MCOLN3: variants seen among roughly 807,000 people sequenced by gnomAD.
MCOLN3 encodes mucolipin-3.
In MCOLN3, 62 loss-of-function variants were observed where a neutral mutation model predicts 69.4. That is an observed-to-expected ratio of 0.89 (90% CI 0.73 to 1.10). The LOEUF (loss-of-function observed/expected upper bound fraction) is 1.10, where lower values mean the gene tolerates loss of function less well. MCOLN3 is among the 50% of genes least tolerant of loss of function. MCOLN3 has a pLI of 0.00. For missense variants in MCOLN3, 564 were observed against 656.4 expected, an observed-to-expected ratio of 0.86 and a Z score of 1.54; for synonymous variants, 183 against 217.0, an observed-to-expected ratio of 0.84 and a Z score of 1.38.
rs776546599 is a variant in MCOLN3, at chr1:85,021,195, G to C, written c.1402C>G (p.Gln468Glu). The change falls in exon 12 of 13, where the codon CAG (glutamine) becomes GAG (glutamate). Residue 468 changes from glutamine (Q) to glutamate (E), a missense_variant. Gln to Glu is a conservative substitution (Grantham distance 29). Coordinates refer to ENST00000370589, the MANE Select transcript of MCOLN3 (RefSeq NM_018298.11). ...DDMFATFAKM[Q>E]QKSYLVWLFS... Reference sequence around the variant, plus strand: ...AGCCAGACTAAGTAACTTTTTTGCTGCATTTTTGCAAACGTGGCAAACATA... The same window carrying C: ...AGCCAGACTAAGTAACTTTTTTGCTCCATTTTTGCAAACGTGGCAAACATA... 1 of 1,613,754 alleles carries C rather than the reference G, an allele frequency of 6.2e-7. No homozygotes were observed. The highest frequency in any genetic ancestry group is 8.5e-7 in the Non-Finnish European group (1 of 1,179,806).
chr1:85,041,181 A>C lies in MCOLN3; in HGVS notation c.229-4T>G, dbSNP rs767607316. 1.1e-5 allele frequency: 17 copies of C among 1,609,382 alleles called. No individual in the cohort carries two copies. The highest frequency in any genetic ancestry group is 1.3e-5 in the Non-Finnish European group (15 of 1,178,404). Reference sequence around the variant, plus strand: ...TACTTAGCCCAAATAAGACCAGCTTAAAAGAAAAAAAAGAAAAGGTAAGAG... The same window carrying C: ...TACTTAGCCCAAATAAGACCAGCTTCAAAGAAAAAAAAGAAAAGGTAAGAG... On this transcript the variant is annotated splice_polypyrimidine_tract_variant and splice_region_variant and intron_variant, in intron 2 of 12. Transcript: ENST00000370589.
chr1:85,036,451 A>C (rs1259995791), intron 3 of MCOLN3, among the ~76,000 whole-genome samples: 2 of 152,182 alleles, frequency 1.3e-5, no homozygotes, highest in African/African-American at 4.8e-5. Context: ...AACCTCCCAA[A>C]GTGCTGGGAT....
intron 2 of MCOLN3, among the ~76,000 whole-genome samples, chr1:85,041,539 T>C (rs530705509): frequency 3.9e-5 from 6 of 152,312 alleles, no homozygotes; most frequent in Non-Finnish European, 7.4e-5. Flanking sequence ...ACTGCACTGT[T>C]GTCATATTAA....
chr1:85,044,479 G>T (rs774461312), intron 2 of MCOLN3, among the ~76,000 whole-genome samples: 9 of 152,028 alleles, frequency 5.9e-5, no homozygotes, highest in Non-Finnish European at 1.0e-4. Context: ...TGACCAACAG[G>T]AAAACATATT....
chr1:85,029,186 G>A lies in MCOLN3; in HGVS notation c.752C>T (p.Ala251Val), dbSNP rs868615954. 7 of 1,601,594 alleles carry A rather than the reference G, an allele frequency of 4.4e-6. No homozygotes were observed. In the African/African-American group the frequency reaches 8.0e-5, roughly 18 times the overall value. ...FTLTITFDNKAHSGRIKISLD... is the reference protein window; with the variant it reads ...FTLTITFDNKVHSGRIKISLD... ...ACTTATTTTAATTCTTCCACTATGG[G>A]CCTTGTTGTCAAATGTTATCTGTGA... Residue 251 changes from alanine to valine, a missense_variant, in exon 7 of 13, where the codon GCC becomes GTC. By Grantham distance (64) the Ala-to-Val change is moderately conservative. Coordinates refer to ENST00000370589, the MANE Select transcript of MCOLN3 (RefSeq NM_018298.11).
chr1:85,045,111 A>G (rs770105369), intron 2 of MCOLN3, 22 bp downstream of exon 2: 2 of 1,580,130 alleles, frequency 1.3e-6, no homozygotes, highest in Non-Finnish European at 1.7e-6. Flanking sequence ...CTTTCACCAA[A>G]CTCATGATCT....
intron 9 of MCOLN3, chr1:85,025,646 G>C: frequency 3.8e-6 from 1 of 261,806 alleles, no homozygotes; most frequent in Non-Finnish European, 7.2e-6. Context: ...ATTTTGGTGT[G>C]TGTAAGAATT....
At chr1:85,026,740 G>C (rs1473399322) in intron 7 of MCOLN3, among the ~76,000 whole-genome samples, 1 of 149,434 alleles carries the variant, frequency 6.7e-6, no homozygotes, top group African/African-American at 2.5e-5. Flanking sequence ...CTGGGTGACA[G>C]AGCGAGACTC....
At position 85,026,232 on chromosome 1, in the gene MCOLN3, A is replaced by C; in HGVS notation, c.885T>G (p.Thr295=). Residue 295 remains threonine (T), a synonymous_variant, in exon 8 of 13, where the codon ACT becomes ACG. Coordinates refer to ENST00000370589, the MANE Select transcript of MCOLN3 (RefSeq NM_018298.11). The part of the protein sequence containing the change: ...MMIFDAFVIL[T]CLVSLILCIR... Reference sequence around the variant, plus strand: ...TGCAGAGGATTAATGAAACCAAGCAAGTCAGAATGACAAAGGCATCAAAGA... The same window carrying C: ...TGCAGAGGATTAATGAAACCAAGCACGTCAGAATGACAAAGGCATCAAAGA... 6 of 1,614,210 alleles carry C rather than the reference A, an allele frequency of 3.7e-6. No homozygotes were observed. The highest frequency in any genetic ancestry group is 1.3e-5 in the African/African-American group (1 of 75,064).
At chr1:85,035,588 G>A (rs1053159927) in intron 3 of MCOLN3, among the ~76,000 whole-genome samples, 3 of 152,100 alleles carry the variant, frequency 2.0e-5, no homozygotes, top group Non-Finnish European at 2.9e-5. Flanking sequence ...TCCACTTCCA[G>A]TCCATCTGAA....
At position 85,044,555 on chromosome 1, in the gene MCOLN3, A is replaced by C. The variant is rs115205082; in HGVS notation, c.228+578T>G. The stretch of plus-strand genomic sequence containing the variant: ...CAAAATATGGTTCCCCCTTTCCCCC[A>C]AAAAAATATTAAAAGCAGCCAAGGA... On this transcript the variant is annotated intron_variant, in intron 2 of 12. Coordinates refer to ENST00000370589, the MANE Select transcript of MCOLN3 (RefSeq NM_018298.11). Among the ~76,000 whole-genome samples the C allele has an allele frequency of 2.8e-3, 431 of 152,278 alleles. 4 individuals are homozygous for C. The highest frequency in any genetic ancestry group is 9.4e-3 in the African/African-American group (389 of 41,564).
At chr1:85,046,306 TGG>T (rs34361194) in intron 1 of MCOLN3, among the ~76,000 whole-genome samples, 139,922 of 151,136 alleles carry the variant, frequency 0.93, 64,940 homozygotes, top group East Asian at 0.99. Flanking sequence ...CATATCTATT[TGG>T]GGGGGGGGGC....
intron 2 of MCOLN3, among the ~76,000 whole-genome samples, chr1:85,042,188 G>C (rs1411929771): frequency 6.6e-6 from 1 of 152,174 alleles, no homozygotes. Flanking sequence ...CAATTTTAGA[G>C]ATGAGGCTCA....
chr1:85,041,266 G>T lies in MCOLN3; in HGVS notation c.229-89C>A, dbSNP rs1653050054. Reference sequence around the variant, plus strand: ...GGTACAGGGGCTTGAACAACAAATAGAAGAGTTTAAAATGAATTCTCTGGG... The same window carrying T: ...GGTACAGGGGCTTGAACAACAAATATAAGAGTTTAAAATGAATTCTCTGGG... On this transcript the variant is annotated intron_variant, in intron 2 of 12. Transcript: ENST00000370589. 7 of 1,056,350 alleles carry T rather than the reference G, an allele frequency of 6.6e-6. No individual in the cohort carries two copies. In the South Asian group the frequency reaches 9.0e-5, roughly 14 times the overall value. The allele number at this position is 1,056,350 out of a possible 1,614,324, so 65.4% of individuals were successfully genotyped here.
intron 1 of MCOLN3, among the ~76,000 whole-genome samples, chr1:85,046,626 G>A (rs982218830): frequency 6.6e-6 from 1 of 152,194 alleles, no homozygotes; most frequent in African/African-American, 2.4e-5. Context: ...TAGATACCAT[G>A]CTGCTTTCCA....
intron 3 of MCOLN3, among the ~76,000 whole-genome samples, chr1:85,036,313 T>C (rs1285741711): frequency 6.6e-6 from 1 of 152,146 alleles, no homozygotes; most frequent in Non-Finnish European, 1.5e-5. Context: ...TGCCTCAGCC[T>C]CCTGAGTAGC....
chr1:85,028,349 C>T (rs988138261), intron 7 of MCOLN3, among the ~76,000 whole-genome samples: 2 of 152,168 alleles, frequency 1.3e-5, no homozygotes, highest in South Asian at 2.1e-4. Context: ...TTCTAGGCCC[C>T]ACCCCAGACC....
rs1313027781 is a variant in MCOLN3 at position 85,022,129 on chromosome 1, T to C, written c.1261A>G (p.Met421Val). Reference protein sequence around the residue: ...NVIRFCCCAAMIYLGYCFCGW... With the variant: ...NVIRFCCCAAVIYLGYCFCGW... The stretch of plus-strand genomic sequence containing the variant: ...CAGAAGCAGTAACCTAAGTAAATCA[T>C]AGCTGCACAGCAGCAGAACCTGATG... The change falls in exon 11 of 13, where the codon ATG becomes GTG. Residue 421 changes from methionine (M) to valine (V), a missense_variant. Physicochemically the swap from Met to Val is conservative, Grantham distance 21 (BLOSUM62 1). Coordinates refer to ENST00000370589, the MANE Select transcript of MCOLN3 (RefSeq NM_018298.11). 6.2e-7 allele frequency: 1 copy of C among 1,614,156 alleles called. No individual in the cohort carries two copies. Among genetic ancestry groups the C allele is most frequent in the South Asian group, 1.1e-5 (1 of 91,088 alleles).
rs1184059987 is a variant in MCOLN3, at chr1:85,021,411, A to G, written c.1321-135T>C. The G allele has an allele frequency of 1.2e-5, 8 of 678,490 alleles. No individual in the cohort carries two copies. The Admixed American group carries it at 1.5e-4, about 13-fold the overall frequency. 42.0% of individuals were successfully genotyped at this position (678,490 alleles called of 1,614,324 possible). ...ATTTTCAAACAAATAACCTGAGGTA[A>G]CCACACACATTTGCTTTGTGATGCA... On this transcript the variant is annotated intron_variant, in intron 11 of 12. Coordinates refer to ENST00000370589, the MANE Select transcript of MCOLN3 (RefSeq NM_018298.11).
Sources: allele counts gnomAD v4.1 joint callset (sites outside exome capture counted in the v4.1 genomes callset), GRCh38; gene constraint gnomAD v4.1.1; transcripts MANE v1.5; gene names NCBI Gene and HGNC (gene_info 2026-07-23, HGNC 2026-07-21).